Variants in FRMD3 observed in about 807,000 individuals in gnomAD.
The protein encoded by FRMD3 is FERM domain containing 3.
A neutral mutation model predicts 70.2 loss-of-function variants in FRMD3; 33 were observed. That is an observed-to-expected ratio of 0.47 (90% CI 0.36 to 0.63). The LOEUF is 0.63. Ranked by LOEUF, FRMD3 falls within the 20% of genes least tolerant of loss-of-function variation. The pLI, the probability that FRMD3 is intolerant of heterozygous loss-of-function variation, is 0.00. For missense variants in FRMD3, 632 were observed against 711.4 expected, an observed-to-expected ratio of 0.89 and a Z score of 1.27; for synonymous variants, 279 against 255.9, an observed-to-expected ratio of 1.09 and a Z score of -0.86.
intron 13 of FRMD3, among the ~76,000 whole-genome samples, chr9:83,287,400 CA>C (rs1278567880): frequency 6.6e-6 from 1 of 152,192 alleles, no homozygotes; most frequent in African/African-American, 2.4e-5. Context: ...AACTCTGCTC[CA>C]GCCATATCTG....
At chr9:83,297,826 A>G (rs1380976086) in intron 12 of FRMD3, 1 of 471,774 alleles carries the variant, frequency 2.1e-6, no homozygotes, top group African/African-American at 2.0e-5. Flanking sequence ...TCTACATGGG[A>G]TATCATGCCA....
chr9:83,349,433 G>T (rs1051144411), intron 4 of FRMD3, among the ~76,000 whole-genome samples: 1 of 152,104 alleles, frequency 6.6e-6, no homozygotes, highest in Admixed American at 6.5e-5. Flanking sequence ...TGTTTTCAGA[G>T]AACACCTCCC....
In FRMD3 at chr9:83,538,318, G is replaced by T. The variant is rs546904093; in HGVS notation, c.-87C>A. On this transcript the variant is annotated 5_prime_UTR_variant, in exon 1 of 14. Transcript: ENST00000304195. This position sits in a 1 kb window ranked among gnomAD's most constrained non-coding sequence, Gnocchi z 4.7. ...ACACACACGCTCGCACGCACTGTCC[G>T]GGACACCTGGGCGCGGCTCAGCCCC... The T allele has an allele frequency of 1.0e-4, 129 of 1,292,494 alleles. 1 individual carries two copies. The African/African-American group carries it at 1.8e-3, about 18-fold the overall frequency. 80.1% of individuals were successfully genotyped at this position (1,292,494 alleles called of 1,614,324 possible).
intron 10 of FRMD3, among the ~76,000 whole-genome samples, chr9:83,305,275 G>A (rs1330793922): frequency 6.6e-6 from 1 of 152,110 alleles, no homozygotes; most frequent in Admixed American, 6.6e-5. Flanking sequence ...AAAAGGAGTG[G>A]GCTCTTCATC....
At chr9:83,263,071 C>A (rs188285421) in intron 13 of FRMD3, among the ~76,000 whole-genome samples, 1 of 152,286 alleles carries the variant, frequency 6.6e-6, no homozygotes, top group East Asian at 1.9e-4. Context: ...GGTACAGACT[C>A]CTTATCTGTT....
At chr9:83,360,967 T>C (rs1824564237) in intron 3 of FRMD3, among the ~76,000 whole-genome samples, 1 of 152,184 alleles carries the variant, frequency 6.6e-6, no homozygotes, top group Non-Finnish European at 1.5e-5. Context: ...TATAAAAATT[T>C]TGATGAACAG....
At chr9:83,260,603 C>T (rs1832940008) in intron 13 of FRMD3, among the ~76,000 whole-genome samples, 1 of 152,110 alleles carries the variant, frequency 6.6e-6, no homozygotes. Context: ...TTTATGATAA[C>T]TTAATTATAA....
At chr9:83,557,633 C>CT in the FRMD3 span, among the ~76,000 whole-genome samples, 1 of 152,174 alleles carries the variant, frequency 6.6e-6, no homozygotes, top group Non-Finnish European at 1.5e-5. Context: ...ATGAGTAACT[C>CT]TATCAATTTA....
At chr9:83,474,491 G>A (rs537176437) in intron 1 of FRMD3, among the ~76,000 whole-genome samples, 6 of 152,230 alleles carry the variant, frequency 3.9e-5, no homozygotes, top group African/African-American at 1.4e-4. Context: ...TAGACTGCAA[G>A]GCAAACAATG....
Position 83,246,118 on chromosome 9 carries a change from CTGAG to C in FRMD3, c.*1796_*1799del, listed in dbSNP as rs1832081689. 2.0e-6 allele frequency: 2 copies of C among 985,258 alleles called. No homozygotes were observed. Among genetic ancestry groups the C allele is most frequent in the Non-Finnish European group, 2.4e-6 (2 of 829,850 alleles). 61.0% of individuals were successfully genotyped at this position (985,258 alleles called of 1,614,324 possible). On this transcript the variant is annotated 3_prime_UTR_variant, in exon 14 of 14. Coordinates refer to ENST00000304195, the MANE Select transcript of FRMD3 (RefSeq NM_174938.6). Reference sequence around the variant, plus strand: ...GTCCAGTGAAGTACTCAGAGCTCCACTGAGTGAGTGGAAATGTATTGCCCAATTT... The same window carrying C: ...GTCCAGTGAAGTACTCAGAGCTCCACTGAGTGGAAATGTATTGCCCAATTT...
chr9:83,493,968 C>G (rs1828885017), intron 1 of FRMD3, among the ~76,000 whole-genome samples: 1 of 152,220 alleles, frequency 6.6e-6, no homozygotes, highest in Non-Finnish European at 1.5e-5. Flanking sequence ...CTGCATAGAT[C>G]TCATGCGCTA....
chr9:83,442,801 CT>C (rs1827342282), intron 1 of FRMD3, among the ~76,000 whole-genome samples: 1 of 152,084 alleles, frequency 6.6e-6, no homozygotes, highest in Non-Finnish European at 1.5e-5. Context: ...TTCATCTCCC[CT>C]CTCCTCCCCA....
At chr9:83,307,813 AG>A (rs1405919121) in intron 10 of FRMD3, among the ~76,000 whole-genome samples, 1 of 152,240 alleles carries the variant, frequency 6.6e-6, no homozygotes, top group Non-Finnish European at 1.5e-5. Flanking sequence ...CATGTAAATT[AG>A]ATTTCCATTT....
chr9:83,420,574 G>C (rs1157373225), intron 1 of FRMD3, among the ~76,000 whole-genome samples: 2 of 152,128 alleles, frequency 1.3e-5, no homozygotes. Context: ...TTGGCAGAGA[G>C]TGATGAAAAT....
the FRMD3 span, among the ~76,000 whole-genome samples, chr9:83,559,330 T>C: frequency 4.1e-4 from 63 of 152,378 alleles, 2 homozygotes; most frequent in South Asian, 0.012. Context: ...TTAGCATTTT[T>C]TAGCAATGAA....
At chr9:83,509,279 A>T (rs1829281141) in intron 1 of FRMD3, among the ~76,000 whole-genome samples, 1 of 152,200 alleles carries the variant, frequency 6.6e-6, no homozygotes, top group East Asian at 1.9e-4. Context: ...TACAATCTTT[A>T]GCTCATTTAC....
chr9:83,562,193 C>T, the FRMD3 span, among the ~76,000 whole-genome samples: 1 of 152,144 alleles, frequency 6.6e-6, no homozygotes, highest in Non-Finnish European at 1.5e-5. Context: ...GGTTCCTTCA[C>T]CCAGAAGATA....
At chr9:83,394,851 GT>G (rs953898962) in intron 1 of FRMD3, among the ~76,000 whole-genome samples, 11 of 152,194 alleles carry the variant, frequency 7.2e-5, no homozygotes, top group Non-Finnish European at 1.6e-4. Context: ...TTCTAATCTT[GT>G]TTTCACCACT....
intron 1 of FRMD3, among the ~76,000 whole-genome samples, chr9:83,511,408 T>C (rs1829336628): frequency 6.6e-6 from 1 of 152,142 alleles, no homozygotes; most frequent in African/African-American, 2.4e-5. Context: ...GGCCTCTCCT[T>C]TCTTTCCACT....
Sources: gnomAD v4.1 joint callset for allele counts (sites outside exome capture counted in the v4.1 genomes callset) on GRCh38, gnomAD v4.1.1 for gene constraint, Gnocchi (gnomAD v3.1) non-coding constraint, MANE v1.5 for transcripts, NCBI Gene and HGNC (gene_info 2026-07-23, HGNC 2026-07-21) for gene names.